Variants in FYB1 observed in about 807,000 individuals in gnomAD.
FYB1 encodes the protein FYN binding protein 1.
FYB1 carries 41 observed loss-of-function variants against 94.1 expected under a neutral mutation model. That is an observed-to-expected ratio of 0.44 (90% CI 0.34 to 0.57). FYB1 has a LOEUF of 0.57. FYB1 is among the 20% of genes least tolerant of loss of function. The pLI is 0.02. For missense variants in FYB1, 1,050 were observed against 976.8 expected, an observed-to-expected ratio of 1.07 and a Z score of -1.00; for synonymous variants, 367 against 353.2, an observed-to-expected ratio of 1.04 and a Z score of -0.44.
intron 1 of FYB1, among the ~76,000 whole-genome samples, chr5:39,252,208 C>G (rs1751744185): frequency 6.6e-6 from 1 of 151,432 alleles, no homozygotes; most frequent in African/African-American, 2.4e-5. Context: ...ATAGATGGCT[C>G]AAAACAGAGT....
intron 1 of FYB1, among the ~76,000 whole-genome samples, chr5:39,273,470 T>G (rs1206613124): frequency 6.6e-6 from 1 of 152,168 alleles, no homozygotes; most frequent in Non-Finnish European, 1.5e-5. Context: ...AAGCCAGAGC[T>G]CAGTACATAA....
chr5:39,170,229 G>A, intron 2 of FYB1: 1 of 918,148 alleles, frequency 1.1e-6, no homozygotes. Flanking sequence ...TATATATGAT[G>A]TTGCTGGTGG....
chr5:39,184,500 T>A (rs1411271587), intron 2 of FYB1, among the ~76,000 whole-genome samples: 1 of 152,156 alleles, frequency 6.6e-6, no homozygotes, highest in Non-Finnish European at 1.5e-5. Flanking sequence ...TGGGTAATAC[T>A]CACAGACTAC....
intron 12 of FYB1, among the ~76,000 whole-genome samples, chr5:39,124,585 G>C (rs547774027): frequency 3.3e-5 from 5 of 152,104 alleles, no homozygotes; most frequent in Non-Finnish European, 7.4e-5. Context: ...TATGAGGTTT[G>C]GGCATAATAT....
intron 5 of FYB1, 59 bp from the exon 6 acceptor site, chr5:39,138,750 A>G: frequency 1.0e-6 from 1 of 958,416 alleles, no homozygotes; most frequent in South Asian, 1.5e-5. Context: ...TGACACACAT[A>G]TTACATTGCT....
At chr5:39,166,231 G>T (rs1744714651) in intron 2 of FYB1, among the ~76,000 whole-genome samples, 1 of 152,156 alleles carries the variant, frequency 6.6e-6, no homozygotes, top group African/African-American at 2.4e-5. Flanking sequence ...GAGGTCAGGA[G>T]TTCAAGACCA....
chr5:39,268,026 A>T (rs1752506123), intron 1 of FYB1, among the ~76,000 whole-genome samples: 2 of 152,212 alleles, frequency 1.3e-5, no homozygotes, highest in South Asian at 4.1e-4. Context: ...TAAAAACTAC[A>T]TTGTAACTCC....
intron 1 of FYB1, among the ~76,000 whole-genome samples, 198 bp from the exon 2 acceptor site, chr5:39,203,185 A>G (rs1748535451): frequency 6.6e-6 from 1 of 152,206 alleles, no homozygotes; most frequent in Non-Finnish European, 1.5e-5. Flanking sequence ...ATGGTTGTGC[A>G]TATACTTTTT....
chr5:39,129,026 T>G (rs1407931496), intron 10 of FYB1, among the ~76,000 whole-genome samples: 1 of 152,096 alleles, frequency 6.6e-6, no homozygotes, highest in East Asian at 1.9e-4. Flanking sequence ...AAAGCAATCC[T>G]GAGCAAAAAG....
chr5:39,261,721 T>C (rs1244591663), intron 1 of FYB1, among the ~76,000 whole-genome samples: 2 of 151,950 alleles, frequency 1.3e-5, no homozygotes, highest in African/African-American at 4.8e-5. Flanking sequence ...CCCTCCAGCC[T>C]GGGCAACAAG....
At chr5:39,213,520 G>C (rs770327438) in intron 1 of FYB1, among the ~76,000 whole-genome samples, 4 of 152,178 alleles carry the variant, frequency 2.6e-5, no homozygotes, top group Non-Finnish European at 5.9e-5. Flanking sequence ...AGATGAGCAA[G>C]GAAACAGAGC....
chr5:39,219,530 C>A lies in FYB1; in HGVS notation c.-115G>T. On this transcript the variant is annotated 5_prime_UTR_variant, in exon 1 of 19. Coordinates refer to ENST00000512982, the MANE Select transcript of FYB1 (RefSeq NM_001465.6). Reference sequence around the variant, plus strand: ...CTGGGCCCTACTCACTTCTAGCTGTCGCATCTGCTCTGCATGTGGAACTCA... The same window carrying A: ...CTGGGCCCTACTCACTTCTAGCTGTAGCATCTGCTCTGCATGTGGAACTCA... 1.0e-6 allele frequency: 1 copy of A among 985,430 alleles called. No homozygotes were observed. Among genetic ancestry groups the A allele is most frequent in the Non-Finnish European group, 1.2e-6 (1 of 829,934 alleles). 61.0% of individuals were successfully genotyped at this position (985,430 alleles called of 1,614,324 possible). A position where few individuals can be genotyped will look rare whatever the true frequency, so the allele number is the denominator to read the frequency against.
At chr5:39,199,081 C>T (rs188899593) in intron 2 of FYB1, among the ~76,000 whole-genome samples, 313 of 151,582 alleles carry the variant, frequency 2.1e-3, no homozygotes, top group Non-Finnish European at 3.6e-3. Flanking sequence ...CAATATACCA[C>T]ATGTTTATGT....
At chr5:39,182,564 C>A (rs556737202) in intron 2 of FYB1, among the ~76,000 whole-genome samples, 36 of 152,256 alleles carry the variant, frequency 2.4e-4, no homozygotes, top group East Asian at 7.7e-4. Flanking sequence ...GTGACCCATG[C>A]AGGTACGATT....
intron 1 of FYB1, among the ~76,000 whole-genome samples, chr5:39,229,758 T>C (rs1494689): frequency 0.15 from 23,141 of 152,120 alleles, 4,657 homozygotes; most frequent in African/African-American, 0.44. Context: ...GTAAAGTGAG[T>C]TGCCTAAAAG....
chr5:39,256,961 T>C (rs1418777120), intron 1 of FYB1, among the ~76,000 whole-genome samples: 3 of 152,258 alleles, frequency 2.0e-5, no homozygotes, highest in Non-Finnish European at 4.4e-5. Context: ...AACATTTTCA[T>C]GTAAGTTCAG....
rs372185969 is a variant in FYB1, at chr5:39,207,801, CT to C, written c.-27-4815del. ...GGGGGTGGGCCGGGGAATTTCCCCC[CT>C]GGGGATGTTTATCAATGTCTGGAAG... On this transcript the variant is annotated intron_variant, in intron 1 of 18. Coordinates refer to ENST00000512982, the MANE Select transcript of FYB1 (RefSeq NM_001465.6). 1.5e-4 allele frequency among the ~76,000 whole-genome samples: 23 copies of C among 152,246 alleles called. 1 individual carries two copies. In the East Asian group the frequency reaches 3.3e-3, roughly 22 times the overall value.
chr5:39,138,821 C>A, intron 5 of FYB1, 130 bp from the exon 6 acceptor site: 1 of 693,168 alleles, frequency 1.4e-6, no homozygotes, highest in Admixed American at 2.1e-5. Flanking sequence ...ATTAAATGGT[C>A]CAGAGGAATA....
chr5:39,156,613 T>A (rs2150365538), intron 2 of FYB1, among the ~76,000 whole-genome samples: 1 of 152,364 alleles, frequency 6.6e-6, no homozygotes, highest in South Asian at 2.1e-4. Context: ...TACACTACTA[T>A]GTGGCAGTGA....
Sources: gnomAD v4.1 joint callset for allele counts (sites outside exome capture counted in the v4.1 genomes callset) on GRCh38, gnomAD v4.1.1 for gene constraint, MANE v1.5 for transcripts, NCBI Gene and HGNC (gene_info 2026-07-23, HGNC 2026-07-21) for gene names.